GRIN2A: variants seen among roughly 807,000 people sequenced by gnomAD.
GRIN2A encodes the protein glutamate receptor ionotropic, NMDA 2A.
A neutral mutation model predicts 113.4 loss-of-function variants in GRIN2A; 22 were observed. The observed-to-expected ratio is 0.19, with a 90% CI of 0.14 to 0.28. The LOEUF (loss-of-function observed/expected upper bound fraction) is 0.28, where lower values mean the gene tolerates loss of function less well. GRIN2A is among the 10% of genes least tolerant of loss of function. GRIN2A has a pLI of 1.00. For missense variants in GRIN2A, 1,502 were observed against 1,887.0 expected, an observed-to-expected ratio of 0.80 and a Z score of 3.78; for synonymous variants, 827 against 738.4, an observed-to-expected ratio of 1.12 and a Z score of -1.94.
At chr16:10,139,195 G>A (rs923450848) in intron 2 of GRIN2A, among the ~76,000 whole-genome samples, 1 of 152,144 alleles carries the variant, frequency 6.6e-6, no homozygotes, top group Non-Finnish European at 1.5e-5. Context: ...GGAAGCTTGG[G>A]GGTCAAGTCT....
At chr16:10,034,027 G>A (rs1000072085) in intron 2 of GRIN2A, among the ~76,000 whole-genome samples, 1 of 152,126 alleles carries the variant, frequency 6.6e-6, no homozygotes, top group African/African-American at 2.4e-5. Flanking sequence ...CAACCAGCAA[G>A]GAACACCTGC....
intron 3 of GRIN2A, among the ~76,000 whole-genome samples, chr16:9,936,929 G>A (rs908314928): frequency 6.6e-6 from 1 of 152,080 alleles, no homozygotes; most frequent in Admixed American, 6.6e-5. Context: ...AGGACAATCT[G>A]GCAATAGATG....
intron 2 of GRIN2A, among the ~76,000 whole-genome samples, chr16:9,952,996 G>A (rs2045218868): frequency 6.6e-6 from 1 of 152,132 alleles, no homozygotes; most frequent in Non-Finnish European, 1.5e-5. Flanking sequence ...TTTAGCAGCG[G>A]TGTGACATGA....
chr16:9,955,576 G>A (rs993234921), intron 2 of GRIN2A, among the ~76,000 whole-genome samples: 1 of 152,178 alleles, frequency 6.6e-6, no homozygotes, highest in African/African-American at 2.4e-5. Flanking sequence ...TAATGTGGCT[G>A]TTAATCAACA....
At chr16:9,770,808 T>C (rs1301897659) in intron 11 of GRIN2A, among the ~76,000 whole-genome samples, 3 of 152,238 alleles carry the variant, frequency 2.0e-5, no homozygotes, top group Non-Finnish European at 2.9e-5. Context: ...AGTGGTTTTA[T>C]AGTTACAGAA....
At chr16:10,162,538 T>C (rs1378742932) in intron 2 of GRIN2A, among the ~76,000 whole-genome samples, 1 of 152,226 alleles carries the variant, frequency 6.6e-6, no homozygotes, top group Non-Finnish European at 1.5e-5. Context: ...CTCCTTGGCA[T>C]ACAGATGGCC....
At chr16:9,921,610 G>C (rs2044360248) in intron 3 of GRIN2A, among the ~76,000 whole-genome samples, 2 of 152,182 alleles carry the variant, frequency 1.3e-5, no homozygotes, top group South Asian at 4.1e-4. Flanking sequence ...ATACCACCTA[G>C]ATCAGAATAA....
rs1322207739 is a variant in GRIN2A at position 9,758,175 on chromosome 16, G to A, written c.*4974C>T. On this transcript the variant is annotated 3_prime_UTR_variant, in exon 13 of 13. Coordinates refer to ENST00000330684, the MANE Select transcript of GRIN2A (RefSeq NM_001134407.3). Reference sequence around the variant, plus strand: ...TATTTTTCTAAGACCCTTCTGGGCAGGCACTTCTAGCTAATACTATACTGA... The same window carrying A: ...TATTTTTCTAAGACCCTTCTGGGCAAGCACTTCTAGCTAATACTATACTGA... The A allele has an allele frequency of 9.2e-6, 2 of 218,024 alleles. No homozygotes were observed. The highest frequency in any genetic ancestry group is 4.5e-5 in the African/African-American group (2 of 44,466). 13.5% of individuals were successfully genotyped at this position (218,024 alleles called of 1,614,324 possible).
intron 7 of GRIN2A, among the ~76,000 whole-genome samples, chr16:9,839,862 A>G (rs576654708): frequency 7.7e-4 from 118 of 152,278 alleles, no homozygotes; most frequent in African/African-American, 2.6e-3. Flanking sequence ...ATTAGGATGT[A>G]TTAGTCTACT....
chr16:9,820,789 T>G (rs556502678), intron 10 of GRIN2A, among the ~76,000 whole-genome samples: 35 of 152,208 alleles, frequency 2.3e-4, no homozygotes, highest in African/African-American at 7.9e-4. Context: ...GGATGATCAG[T>G]TTGTACGAAG....
intron 11 of GRIN2A, among the ~76,000 whole-genome samples, chr16:9,788,611 C>T (rs1250506696): frequency 5.3e-5 from 8 of 151,678 alleles, no homozygotes; most frequent in Admixed American, 5.3e-4. Context: ...CTTTTTTCCC[C>T]CTCTAATTTC....
At chr16:9,969,860 T>C (rs908633068) in intron 2 of GRIN2A, among the ~76,000 whole-genome samples, 1 of 152,244 alleles carries the variant, frequency 6.6e-6, no homozygotes, top group Non-Finnish European at 1.5e-5. Flanking sequence ...ATTCCACTGC[T>C]GAACAACTCT....
At chr16:9,858,709 A>G (rs1229268913) in intron 4 of GRIN2A, among the ~76,000 whole-genome samples, 1 of 152,136 alleles carries the variant, frequency 6.6e-6, no homozygotes, top group Non-Finnish European at 1.5e-5. Flanking sequence ...TTTTTTTTAA[A>G]GGGCAGTGAT....
At chr16:9,845,506 C>T (rs1301003718) in intron 5 of GRIN2A, among the ~76,000 whole-genome samples, 5 of 152,154 alleles carry the variant, frequency 3.3e-5, no homozygotes, top group South Asian at 2.1e-4. Context: ...CTTTCTTCAT[C>T]GGGCCAAGTT....
rs71402435 is a variant in GRIN2A, at chr16:10,132,340, C to CAAAAAAAA, written c.414+47650_414+47657dup. Among the ~76,000 whole-genome samples the CAAAAAAAA allele has an allele frequency of 5.4e-4, 33 of 61,628 alleles. 1 individual carries two copies. Among genetic ancestry groups the CAAAAAAAA allele is most frequent in the East Asian group, 2.2e-3 (3 of 1,364 alleles). The allele number at this position is 61,628 out of a possible 152,430, so 40.4% of individuals were successfully genotyped here. A position where few individuals can be genotyped will look rare whatever the true frequency, so the allele number is the denominator to read the frequency against. ...GAATGAGCAGAACAAGACACCGTCT[C>CAAAAAAAA]AAAAAAAAAAAAAAAAAAGATGTGA... On this transcript the variant is annotated intron_variant, in intron 2 of 12. Transcript: ENST00000330684.
At chr16:9,986,491 G>C (rs2045981149) in intron 2 of GRIN2A, among the ~76,000 whole-genome samples, 1 of 152,092 alleles carries the variant, frequency 6.6e-6, no homozygotes, top group Admixed American at 6.6e-5. Context: ...TGGGCCGAGT[G>C]CGGTGGCTCA....
chr16:9,887,569 T>A (rs183631133), intron 4 of GRIN2A, among the ~76,000 whole-genome samples: 199 of 152,360 alleles, frequency 1.3e-3, no homozygotes, highest in African/African-American at 4.6e-3. Context: ...TGTTCATTCA[T>A]TTCCTTGTTG....
intron 3 of GRIN2A, among the ~76,000 whole-genome samples, chr16:9,903,190 C>G (rs2043966928): frequency 6.6e-6 from 1 of 152,026 alleles, no homozygotes; most frequent in Admixed American, 6.5e-5. Flanking sequence ...AGGATGGTCT[C>G]AATCTCCTGA....
At chr16:10,179,739 T>C in intron 2 of GRIN2A, 1 of 536,116 alleles carries the variant, frequency 1.9e-6, no homozygotes, top group Non-Finnish European at 3.4e-6. Context: ...CTTCTCAGTT[T>C]TCTGAGCGCT....
Sources: gnomAD v4.1 joint callset for allele counts (sites outside exome capture counted in the v4.1 genomes callset) on GRCh38, gnomAD v4.1.1 for gene constraint, MANE v1.5 for transcripts, NCBI Gene and HGNC (gene_info 2026-07-23, HGNC 2026-07-21) for gene names.